Variants in SLCO3A1 observed in about 807,000 individuals in gnomAD.
The protein encoded by SLCO3A1 is solute carrier organic anion transporter family member 3A1, also known as PGE1 transporter.
Under a neutral mutation model 63.1 loss-of-function variants are expected in SLCO3A1, and 27 were observed. The observed-to-expected ratio is 0.43, with a 90% CI of 0.32 to 0.59. The LOEUF (loss-of-function observed/expected upper bound fraction) is 0.59. SLCO3A1 is among the 20% of genes least tolerant of loss of function. SLCO3A1 has a pLI of 0.09. For synonymous variants in SLCO3A1, 473 were observed against 409.9 expected (o/e 1.15, Z -1.86); for missense variants, 773 against 945.8 (o/e 0.82, Z 2.40).
At chr15:92,142,978 A>G (rs2048154928) in intron 7 of SLCO3A1, among the ~76,000 whole-genome samples, 1 of 152,024 alleles carries the variant, frequency 6.6e-6, no homozygotes, top group African/African-American at 2.4e-5. Flanking sequence ...CACCGATCAC[A>G]TGGCTCATTC....
chr15:91,865,328 G>A lies in SLCO3A1; in HGVS notation c.180+11240G>A, dbSNP rs902075947. The stretch of plus-strand genomic sequence containing the variant: ...ACCAAAATTGGGTCATATTATAAGT[G>A]AGAAAGTGACTTTCACAGTTTATCT... On this transcript the variant is annotated intron_variant, in intron 1 of 9. Coordinates refer to ENST00000318445, the MANE Select transcript of SLCO3A1 (RefSeq NM_013272.4). The surrounding 1 kb of genome is among the most constrained non-coding windows in gnomAD (Gnocchi z 4.6). 2.6e-5 allele frequency among the ~76,000 whole-genome samples: 4 copies of A among 152,208 alleles called. No homozygotes were observed. Among genetic ancestry groups the A allele is most frequent in the Non-Finnish European group, 5.9e-5 (4 of 68,030 alleles).
intron 9 of SLCO3A1, among the ~76,000 whole-genome samples, chr15:92,158,487 G>A (rs2048398688): frequency 6.6e-6 from 1 of 152,144 alleles, no homozygotes; most frequent in African/African-American, 2.4e-5. Flanking sequence ...GTTATGGAGG[G>A]GACGCATAAT....
At chr15:91,905,131 C>G (rs1486365045) in intron 1 of SLCO3A1, among the ~76,000 whole-genome samples, 2 of 152,202 alleles carry the variant, frequency 1.3e-5, no homozygotes, top group African/African-American at 4.8e-5. Flanking sequence ...CCAAAGCAAA[C>G]AGGGAAATAC....
intron 2 of SLCO3A1, among the ~76,000 whole-genome samples, chr15:91,995,103 GA>G (rs910390031): frequency 2.0e-5 from 3 of 152,214 alleles, no homozygotes; most frequent in African/African-American, 7.2e-5. Context: ...GGGTGGTTTT[GA>G]ATCCCAACCA....
chr15:92,100,706 T>A (rs2047595398), intron 3 of SLCO3A1, among the ~76,000 whole-genome samples: 1 of 152,226 alleles, frequency 6.6e-6, no homozygotes, highest in Non-Finnish European at 1.5e-5. Flanking sequence ...GAACGTGGAT[T>A]TCTATTTCCT....
intron 8 of SLCO3A1, among the ~76,000 whole-genome samples, chr15:92,148,485 A>C (rs1180835612): frequency 6.6e-6 from 1 of 152,194 alleles, no homozygotes; most frequent in South Asian, 2.1e-4. Context: ...GCATTAGGGT[A>C]TAATAGCAAA....
At chr15:92,006,885 C>G (rs1051549194) in intron 2 of SLCO3A1, among the ~76,000 whole-genome samples, 1 of 152,212 alleles carries the variant, frequency 6.6e-6, no homozygotes, top group African/African-American at 2.4e-5. Flanking sequence ...TTAGCAATGT[C>G]TCCCTTTATT....
rs145256192 is a variant in SLCO3A1 at position 92,088,256 on chromosome 15, A to G, written c.647-6625A>G. ...CAGCACTGGGGCGAAATAGGAATAT[A>G]AAGAAGAATAAAGCATCATCTCTGC... On this transcript the variant is annotated intron_variant, in intron 2 of 9. Coordinates refer to ENST00000318445, the MANE Select transcript of SLCO3A1 (RefSeq NM_013272.4). Among the ~76,000 whole-genome samples, 615 of 152,334 alleles carry G rather than the reference A, an allele frequency of 4.0e-3. 7 individuals are homozygous for G. The highest frequency in any genetic ancestry group is 0.013 in the African/African-American group (556 of 41,578).
intron 2 of SLCO3A1, among the ~76,000 whole-genome samples, chr15:91,920,316 G>A (rs79372158): frequency 1.3e-3 from 204 of 152,306 alleles, no homozygotes; most frequent in Middle Eastern, 3.4e-3. Flanking sequence ...GCAAGCCAGG[G>A]CATTCCACGA....
At chr15:91,927,207 T>A (rs1395668320) in intron 2 of SLCO3A1, among the ~76,000 whole-genome samples, 1 of 152,166 alleles carries the variant, frequency 6.6e-6, no homozygotes, top group East Asian at 1.9e-4. Flanking sequence ...TTTCCATCCC[T>A]TCTTTCAGCC....
Position 92,126,122 on chromosome 15 carries a change from G to A in SLCO3A1, c.1236G>A (p.Lys412=), listed in dbSNP as rs765660633. Residue 412 remains lysine (K), a synonymous_variant, in exon 6 of 10, where the codon AAG becomes AAA. Coordinates refer to ENST00000318445, the MANE Select transcript of SLCO3A1 (RefSeq NM_013272.4). ...TCCTGGGAGGTCTTTTGGTGAAGAAGCTCAGCCTGTCTGCCCTGGGGGCCA... is the reference window on the plus strand; with the variant it reads ...TCCTGGGAGGTCTTTTGGTGAAGAAACTCAGCCTGTCTGCCCTGGGGGCCA... The part of the protein sequence containing the change: ...GIFLGGLLVK[K]LSLSALGAIR... 1.2e-6 allele frequency: 2 copies of A among 1,613,920 alleles called. No individual in the cohort carries two copies. Among genetic ancestry groups the A allele is most frequent in the African/African-American group, 2.7e-5 (2 of 74,856 alleles).
At chr15:92,156,974 G>A (rs1225954040) in intron 9 of SLCO3A1, among the ~76,000 whole-genome samples, 1 of 152,152 alleles carries the variant, frequency 6.6e-6, no homozygotes. Flanking sequence ...CAATATATAA[G>A]GCCCTGAGGT....
Position 91,860,099 on chromosome 15 carries a change from G to A in SLCO3A1, c.180+6011G>A, listed in dbSNP as rs1006505679. Among the ~76,000 whole-genome samples, 4 of 152,208 alleles carry A rather than the reference G, an allele frequency of 2.6e-5. No homozygotes were observed. The highest frequency in any genetic ancestry group is 9.6e-5 in the African/African-American group (4 of 41,452). The stretch of plus-strand genomic sequence containing the variant: ...GCCCACTGCAGGAATGGTGATTCAT[G>A]TTGATCATTTACAGTCCATGGGTAC... On this transcript the variant is annotated intron_variant, in intron 1 of 9. Coordinates refer to ENST00000318445, the MANE Select transcript of SLCO3A1 (RefSeq NM_013272.4). This position sits in a 1 kb window ranked among gnomAD's most constrained non-coding sequence, Gnocchi z 5.5.
Position 91,863,853 on chromosome 15 carries a change from G to A in SLCO3A1, c.180+9765G>A, listed in dbSNP as rs1221597530. ...GTGCTGGTACATACTTTGTAGGTTG[G>A]GAGGCTTAACATGCCAGTGACAGTT... On this transcript the variant is annotated intron_variant, in intron 1 of 9. Coordinates refer to ENST00000318445, the MANE Select transcript of SLCO3A1 (RefSeq NM_013272.4). This position sits in a 1 kb window ranked among gnomAD's most constrained non-coding sequence, Gnocchi z 4.3. Among the ~76,000 whole-genome samples the A allele has an allele frequency of 6.6e-6, 1 of 152,134 alleles. No homozygotes were observed. The highest frequency in any genetic ancestry group is 2.4e-5 in the African/African-American group (1 of 41,420).
chr15:91,996,889 T>G (rs1011948745), intron 2 of SLCO3A1, among the ~76,000 whole-genome samples: 13 of 151,974 alleles, frequency 8.6e-5, no homozygotes, highest in African/African-American at 2.7e-4. Flanking sequence ...AAATGTATAG[T>G]GAAAAAACAC....
At chr15:92,155,989 G>A (rs956571082) in intron 9 of SLCO3A1, among the ~76,000 whole-genome samples, 1 of 152,154 alleles carries the variant, frequency 6.6e-6, no homozygotes, top group Non-Finnish European at 1.5e-5. Context: ...GGCCCTCGGG[G>A]TGCATTTCTG....
chr15:92,170,017 G>A (rs925646568), downstream of SLCO3A1, among the ~76,000 whole-genome samples: 3 of 152,110 alleles, frequency 2.0e-5, no homozygotes, highest in Admixed American at 6.5e-5. Flanking sequence ...AATTGATTAC[G>A]TTCTTTTGCT....
At chr15:92,172,019 C>T (rs2048524614) in exon 11 of SLCO3A1, 1 of 626,498 alleles carries the variant, frequency 1.6e-6, no homozygotes, top group Non-Finnish European at 2.8e-6. Flanking sequence ...CAAGCGCAGG[C>T]CTGTGATGAG....
chr15:92,132,615 A>T (rs2048009555), intron 7 of SLCO3A1, among the ~76,000 whole-genome samples: 1 of 11,476 alleles, frequency 8.7e-5, no homozygotes, highest in Admixed American at 1.3e-3. Flanking sequence ...TAAATAATTG[A>T]ATAGAAAAAA....
Sources: gnomAD v4.1 joint callset for allele counts (sites outside exome capture counted in the v4.1 genomes callset) on GRCh38, gnomAD v4.1.1 for gene constraint, Gnocchi (gnomAD v3.1) non-coding constraint, MANE v1.5 for transcripts, NCBI Gene and HGNC (gene_info 2026-07-23, HGNC 2026-07-21) for gene names.